Variants in KIAA0825 observed in about 807,000 individuals in gnomAD.
KIAA0825 encodes KIAA0825.
A neutral mutation model predicts 147.6 loss-of-function variants in KIAA0825; 119 were observed. The ratio of observed to expected loss-of-function variants is 0.81; its 90% CI spans 0.69 to 0.94. The LOEUF (loss-of-function observed/expected upper bound fraction) is 0.94, where lower values mean the gene tolerates loss of function less well. KIAA0825 is among the 40% of genes least tolerant of loss of function. KIAA0825 has a pLI of 0.00. For synonymous variants in KIAA0825, 470 were observed against 518.1 expected, an observed-to-expected ratio of 0.91 and a Z score of 1.26; for missense variants, 1,381 against 1,472.7, an observed-to-expected ratio of 0.94 and a Z score of 1.02.
intron 5 of KIAA0825, among the ~76,000 whole-genome samples, chr5:94,502,090 C>A (rs1039427968): frequency 6.6e-6 from 1 of 151,952 alleles, no homozygotes; most frequent in African/African-American, 2.4e-5. Flanking sequence ...GGGTACACAC[C>A]AAACTATTAA....
chr5:94,205,495 G>T (rs1356352161), intron 20 of KIAA0825, among the ~76,000 whole-genome samples: 1 of 151,818 alleles, frequency 6.6e-6, no homozygotes, highest in African/African-American at 2.4e-5. Flanking sequence ...GTTTCACCAT[G>T]TTAGCCAGGA....
intron 16 of KIAA0825, among the ~76,000 whole-genome samples, chr5:94,401,886 G>A (rs1223012406): frequency 6.6e-6 from 1 of 152,134 alleles, no homozygotes; most frequent in Non-Finnish European, 1.5e-5. Flanking sequence ...ATGACTTAAT[G>A]TCCAGCATGT....
At chr5:94,390,675 T>C (rs1177373683) in intron 18 of KIAA0825, among the ~76,000 whole-genome samples, 5 of 152,220 alleles carry the variant, frequency 3.3e-5, no homozygotes, top group Non-Finnish European at 7.3e-5. Flanking sequence ...AACTTTCACA[T>C]AGCTAATGGT....
chr5:94,157,888 C>T (rs1029636733), intron 20 of KIAA0825, among the ~76,000 whole-genome samples: 3 of 152,048 alleles, frequency 2.0e-5, no homozygotes, highest in Admixed American at 6.6e-5. Flanking sequence ...AGCATTGGTC[C>T]AGGCTGTCAC....
intron 5 of KIAA0825, among the ~76,000 whole-genome samples, chr5:94,499,068 T>C (rs1764718595): frequency 6.6e-6 from 1 of 152,344 alleles, no homozygotes; most frequent in East Asian, 1.9e-4. Context: ...AATCAGGCTT[T>C]AAACTGATTT....
At chr5:94,272,425 C>T (rs529750249) in intron 20 of KIAA0825, among the ~76,000 whole-genome samples, 2 of 152,156 alleles carry the variant, frequency 1.3e-5, no homozygotes, top group South Asian at 4.1e-4. Flanking sequence ...CTGTGATGCA[C>T]TGTATGCCTG....
intron 12 of KIAA0825, 51 bp from the exon 13 acceptor site, chr5:94,453,120 G>T: frequency 5.6e-6 from 5 of 894,058 alleles, no homozygotes; most frequent in South Asian, 5.2e-5. Flanking sequence ...CATTAACTAT[G>T]ACCATTGAAA....
intron 20 of KIAA0825, among the ~76,000 whole-genome samples, chr5:94,199,468 A>G (rs545764828): frequency 6.6e-6 from 1 of 152,178 alleles, no homozygotes; most frequent in East Asian, 1.9e-4. Context: ...GAGGACTGCC[A>G]GCAAAAGTGC....
chr5:94,288,660 G>A (rs188289986), intron 20 of KIAA0825, among the ~76,000 whole-genome samples: 2 of 152,184 alleles, frequency 1.3e-5, no homozygotes, highest in Admixed American at 6.5e-5. Context: ...ACACACATAC[G>A]TTTGAAATGT....
Position 94,157,135 on chromosome 5 carries a change from A to C in KIAA0825, c.3711-3011T>G, listed in dbSNP as rs78047522. Among the ~76,000 whole-genome samples the C allele has an allele frequency of 2.4e-3, 367 of 152,292 alleles. 1 individual carries two copies. The highest frequency in any genetic ancestry group is 8.5e-3 in the African/African-American group (353 of 41,566). Reference sequence around the variant, plus strand: ...AGCATATCCCTACAGAAACCAGAAAATGTTGGAAGCAGCATATTCTGGTTC... The same window carrying C: ...AGCATATCCCTACAGAAACCAGAAACTGTTGGAAGCAGCATATTCTGGTTC... On this transcript the variant is annotated intron_variant, in intron 20 of 20. Coordinates refer to ENST00000682413, the MANE Select transcript of KIAA0825 (RefSeq NM_001145678.3).
rs747019308 is a variant in KIAA0825 at position 94,520,928 on chromosome 5, T to G, written c.301-11A>C. ...CTTCAACAAATCTTGCTAATGAAAT[T>G]ATAACATTAGAAATGTGATTAAGTG... On this transcript the variant is annotated splice_polypyrimidine_tract_variant and intron_variant, in intron 4 of 20. Transcript: ENST00000682413. The G allele has an allele frequency of 2.6e-6, 4 of 1,537,536 alleles. No homozygotes were observed. The highest frequency in any genetic ancestry group is 3.5e-6 in the Non-Finnish European group (4 of 1,130,186).
intron 1 of KIAA0825, among the ~76,000 whole-genome samples, chr5:94,584,390 C>T (rs1330561371): frequency 6.6e-6 from 1 of 152,074 alleles, no homozygotes; most frequent in East Asian, 1.9e-4. Flanking sequence ...CTTCGTGAAG[C>T]ATACACAAGC....
intron 15 of KIAA0825, among the ~76,000 whole-genome samples, chr5:94,409,774 A>G (rs752733369): frequency 2.6e-5 from 4 of 152,242 alleles, no homozygotes; most frequent in African/African-American, 4.8e-5. Context: ...AATGGGCTAA[A>G]CCAGGCCTAG....
chr5:94,346,723 C>T (rs956462496), intron 20 of KIAA0825, among the ~76,000 whole-genome samples: 8 of 152,144 alleles, frequency 5.3e-5, no homozygotes, highest in African/African-American at 7.2e-5. Context: ...AGGGATCCAA[C>T]GGGAGAGAAG....
chr5:94,496,982 C>T (rs933691845), intron 5 of KIAA0825, among the ~76,000 whole-genome samples: 4 of 152,152 alleles, frequency 2.6e-5, no homozygotes, highest in African/African-American at 4.8e-5. Flanking sequence ...GTCTCTTCTT[C>T]GGCCTCTTGA....
intron 20 of KIAA0825, among the ~76,000 whole-genome samples, chr5:94,169,535 T>G (rs1294763352): frequency 7.3e-6 from 1 of 137,030 alleles, no homozygotes; most frequent in African/African-American, 2.8e-5. Flanking sequence ...TGAGCCAAGG[T>G]GGTGCCACTG....
chr5:94,252,163 C>G (rs1360122782), intron 20 of KIAA0825, among the ~76,000 whole-genome samples: 1 of 151,972 alleles, frequency 6.6e-6, no homozygotes, highest in Non-Finnish European at 1.5e-5. Flanking sequence ...TTTCACTACA[C>G]TCTTAGCACA....
At chr5:94,367,681 T>C (rs757592909) in intron 20 of KIAA0825, among the ~76,000 whole-genome samples, 1 of 152,178 alleles carries the variant, frequency 6.6e-6, no homozygotes, top group Non-Finnish European at 1.5e-5. Context: ...CTACAGACAA[T>C]GTGTCATCAC....
chr5:94,199,250 T>C (rs1367975950), intron 20 of KIAA0825, among the ~76,000 whole-genome samples: 2 of 152,238 alleles, frequency 1.3e-5, no homozygotes, highest in African/African-American at 4.8e-5. Flanking sequence ...GAAGGTTTAC[T>C]GTAGTATAAG....
Sources: gnomAD v4.1 joint callset for allele counts (sites outside exome capture counted in the v4.1 genomes callset) on GRCh38, gnomAD v4.1.1 for gene constraint, MANE v1.5 for transcripts, NCBI Gene and HGNC (gene_info 2026-07-23, HGNC 2026-07-21) for gene names.